Variants in PYROXD1 observed in about 807,000 individuals in gnomAD.
The protein encoded by PYROXD1 is tRNA ligase complex-associated NAD(P)H dehydrogenase PYROXD1.
In PYROXD1, 42 loss-of-function variants were observed where a neutral mutation model predicts 62.0. The observed-to-expected ratio is 0.68, with a 90% CI of 0.53 to 0.88. The LOEUF (loss-of-function observed/expected upper bound fraction) is 0.88. PYROXD1 is among the 40% of genes least tolerant of loss of function. The probability of loss-of-function intolerance (pLI) is 0.00; values close to 1 mark genes in which losing one functional copy is unlikely to be tolerated. For synonymous variants in PYROXD1, 170 were observed against 206.4 expected (o/e 0.82, Z 1.51); for missense variants, 493 against 604.8 (o/e 0.82, Z 1.94).
At chr12:21,468,141 A>T (rs1006922691) in intron 11 of PYROXD1, among the ~76,000 whole-genome samples, 1 of 151,966 alleles carries the variant, frequency 6.6e-6, no homozygotes, top group Non-Finnish European at 1.5e-5. Flanking sequence ...ACGACTCCAC[A>T]TGGTTTAATG....
chr12:21,469,402 T>G lies in PYROXD1; in HGVS notation c.*648T>G, dbSNP rs1266829913. 6.6e-6 allele frequency: 1 copy of G among 151,886 alleles called. No homozygotes were observed. Among genetic ancestry groups the G allele is most frequent in the Non-Finnish European group, 1.5e-5 (1 of 68,054 alleles). 9.4% of individuals were successfully genotyped at this position (151,886 alleles called of 1,614,324 possible). Reference sequence around the variant, plus strand: ...TTTTTTTTTTTAAGCTCATCAGCTATCGTCAGTGTTAGCATATTTTATGTG... The same window carrying G: ...TTTTTTTTTTTAAGCTCATCAGCTAGCGTCAGTGTTAGCATATTTTATGTG... On this transcript the variant is annotated 3_prime_UTR_variant, in exon 12 of 12. Coordinates refer to ENST00000240651, the MANE Select transcript of PYROXD1 (RefSeq NM_024854.5).
Position 21,455,942 on chromosome 12 carries a change from T to C in PYROXD1, c.650-53T>C, listed in dbSNP as rs1440760510. ...GCCTAAATAAAAAACTTCAGAACAC[T>C]AACATATTTCTCTATCTGGTAATTT... On this transcript the variant is annotated intron_variant, in intron 6 of 11. Coordinates refer to ENST00000240651, the MANE Select transcript of PYROXD1 (RefSeq NM_024854.5). 5.9e-6 allele frequency: 7 copies of C among 1,187,828 alleles called. No individual in the cohort carries two copies. The African/African-American group carries it at 1.1e-4, about 19-fold the overall frequency. 73.6% of individuals were successfully genotyped at this position (1,187,828 alleles called of 1,614,324 possible). A position where few individuals can be genotyped will look rare whatever the true frequency, so the allele number is the denominator to read the frequency against.
intron 5 of PYROXD1, among the ~76,000 whole-genome samples, chr12:21,453,588 G>A (rs1178254009): frequency 1.3e-5 from 2 of 151,960 alleles, no homozygotes; most frequent in Non-Finnish European, 2.9e-5. Flanking sequence ...ATATCTCATT[G>A]TCTGCTTCTG....
intron 5 of PYROXD1, 167 bp from the exon 6 acceptor site, chr12:21,454,965 T>G: frequency 2.5e-6 from 1 of 400,254 alleles, no homozygotes; most frequent in South Asian, 1.2e-4. Context: ...TTTTTAATTC[T>G]TAACATCTGT....
At chr12:21,437,891 C>G (rs755390322) in intron 1 of PYROXD1, 77 bp downstream of exon 1, 3 of 1,306,668 alleles carry the variant, frequency 2.3e-6, no homozygotes, top group Admixed American at 5.2e-5. Flanking sequence ...CCTCCCACCC[C>G]CTCCCTTTTT....
At chr12:21,443,152 G>A (rs1942327475) in intron 2 of PYROXD1, among the ~76,000 whole-genome samples, 2 of 152,076 alleles carry the variant, frequency 1.3e-5, no homozygotes, top group South Asian at 2.1e-4. Flanking sequence ...AAAAAAGCTC[G>A]AGTTGAGAAT....
At chr12:21,468,054 A>AT (rs2137293998) in intron 11 of PYROXD1, among the ~76,000 whole-genome samples, 1 of 151,784 alleles carries the variant, frequency 6.6e-6, no homozygotes, top group Admixed American at 6.6e-5. Context: ...AAGGAGAAAC[A>AT]TATTCAAAAG....
intron 1 of PYROXD1, chr12:21,438,027 CA>C: frequency 1.7e-6 from 1 of 580,250 alleles, no homozygotes; most frequent in Non-Finnish European, 3.0e-6. Flanking sequence ...GAGTGGGAGG[CA>C]AATTATAGCC....
rs779923078 is a variant in PYROXD1, at chr12:21,462,762, G to T, written c.1016G>T (p.Gly339Val). The T allele has an allele frequency of 6.2e-7, 1 of 1,613,894 alleles. No homozygotes were observed. The highest frequency in any genetic ancestry group is 1.7e-5 in the Admixed American group (1 of 60,012). ...GNSFDLGEDGGLKVDDHMHTS... is the reference protein window; with the variant it reads ...GNSFDLGEDGVLKVDDHMHTS... ...TAGTTTGATCTAGGAGAAGATGGTG[G>T]CCTGAAAGTGGATGATCATATGCAC... Residue 339 changes from glycine (G) to valine (V), a missense_variant, in exon 10 of 12, where the codon GGC becomes GTC. By Grantham distance (109) the Gly-to-Val change is moderately radical. Around this residue, in one of 2 missense-constraint regions of PYROXD1, gnomAD observed 329 missense variants for 446.6 expected, o/e 0.74. Coordinates refer to ENST00000240651, the MANE Select transcript of PYROXD1 (RefSeq NM_024854.5).
At chr12:21,445,147 T>C (rs1942362551) in intron 2 of PYROXD1, among the ~76,000 whole-genome samples, 200 bp from the exon 3 acceptor site, 2 of 152,204 alleles carry the variant, frequency 1.3e-5, no homozygotes, top group Non-Finnish European at 1.5e-5. Flanking sequence ...GCACCTGACT[T>C]GCCCAGGAGC....
intron 5 of PYROXD1, among the ~76,000 whole-genome samples, chr12:21,454,466 G>A (rs896915135): frequency 6.6e-6 from 1 of 151,820 alleles, no homozygotes; most frequent in Non-Finnish European, 1.5e-5. Context: ...TTTGTGAAAG[G>A]AATATTGTTA....
intron 10 of PYROXD1, among the ~76,000 whole-genome samples, chr12:21,464,923 G>C (rs1942764645): frequency 1.3e-5 from 2 of 152,040 alleles, no homozygotes; most frequent in South Asian, 2.1e-4. Flanking sequence ...TGTGGTGTTT[G>C]GTTTTTTGTC....
rs918111882 is a variant in PYROXD1 at position 21,437,894 on chromosome 12, C to T, written c.84+80C>T. 27 of 1,272,162 alleles carry T rather than the reference C, an allele frequency of 2.1e-5. No homozygotes were observed. The Admixed American group carries it at 4.2e-4, about 20-fold the overall frequency. The allele number at this position is 1,272,162 out of a possible 1,614,324, so 78.8% of individuals were successfully genotyped here. The stretch of plus-strand genomic sequence containing the variant: ...ACTGGAGGCCTTCCTCCCACCCCCT[C>T]CCTTTTTCTTCTTCCGGGTTCCTTT... On this transcript the variant is annotated intron_variant, in intron 1 of 11. Transcript: ENST00000240651.
chr12:21,455,839 T>C (rs1002275773), intron 6 of PYROXD1, among the ~76,000 whole-genome samples, 156 bp from the exon 7 acceptor site: 3 of 152,116 alleles, frequency 2.0e-5, no homozygotes, highest in Non-Finnish European at 4.4e-5. Context: ...CAGAAAAATA[T>C]TAATGACTAA....
rs1268179129 is a variant in PYROXD1 at position 21,437,678 on chromosome 12, A to G, written c.-53A>G. 1.4e-5 allele frequency: 22 copies of G among 1,548,852 alleles called. No individual in the cohort carries two copies. In the Admixed American group the frequency reaches 3.0e-4, roughly 21 times the overall value. ...GCGGCTGCTTCCTCTCCTGGAGTCC[A>G]GAGTCCCGTTGCTCCGCCGCGATAT... On this transcript the variant is annotated 5_prime_UTR_variant, in exon 1 of 12. Coordinates refer to ENST00000240651, the MANE Select transcript of PYROXD1 (RefSeq NM_024854.5).
intron 4 of PYROXD1, 71 bp downstream of exon 4, chr12:21,449,762 CT>C: frequency 7.4e-7 from 1 of 1,354,070 alleles, no homozygotes; most frequent in Non-Finnish European, 1.0e-6. Context: ...AAGTGTTCCA[CT>C]TACAATTCCT....
chr12:21,443,518 T>C lies in PYROXD1; in HGVS notation c.166-1829T>C, dbSNP rs529660859. On this transcript the variant is annotated intron_variant, in intron 2 of 11. Coordinates refer to ENST00000240651, the MANE Select transcript of PYROXD1 (RefSeq NM_024854.5). ...ATCATAGAAAAGTCATCTCCAAACT[T>C]TTTTTTTCCTGTAGCTCAACTGTTA... is the stretch of plus-strand genomic sequence containing the variant. 2.3e-4 allele frequency among the ~76,000 whole-genome samples: 35 copies of C among 152,106 alleles called. No individual in the cohort carries two copies. The South Asian group carries it at 7.1e-3, about 31-fold the overall frequency.
chr12:21,469,912 AAACTT>A lies in PYROXD1; in HGVS notation c.*1161_*1165del, dbSNP rs552248392. The A allele has an allele frequency of 4.9e-4, 136 of 279,144 alleles. No individual in the cohort carries two copies. The highest frequency in any genetic ancestry group is 2.3e-3 in the African/African-American group (101 of 44,354). The allele number at this position is 279,144 out of a possible 1,614,324, so 17.3% of individuals were successfully genotyped here. A position where few individuals can be genotyped will look rare whatever the true frequency, so the allele number is the denominator to read the frequency against. On this transcript the variant is annotated 3_prime_UTR_variant, in exon 12 of 12. Coordinates refer to ENST00000240651, the MANE Select transcript of PYROXD1 (RefSeq NM_024854.5). ...ATAGCTAAGTATATAAAGGCATAAAAAACTTAAGACGATTGTATGAACTTATTCTC... is the reference window on the plus strand; with the variant it reads ...ATAGCTAAGTATATAAAGGCATAAAAAAGACGATTGTATGAACTTATTCTC...
chr12:21,440,118 C>T (rs1481319333), intron 1 of PYROXD1, among the ~76,000 whole-genome samples: 2 of 152,036 alleles, frequency 1.3e-5, no homozygotes, highest in Non-Finnish European at 2.9e-5. Context: ...CTTTATATCA[C>T]TTTTCTTGTT....
Sources: allele counts gnomAD v4.1 joint callset (sites outside exome capture counted in the v4.1 genomes callset), GRCh38; gene constraint gnomAD v4.1.1; regional missense constraint gnomAD v4.1.1; transcripts MANE v1.5; gene names NCBI Gene and HGNC (gene_info 2026-07-23, HGNC 2026-07-21).